EFNA5: variants seen among roughly 807,000 people sequenced by gnomAD.
EFNA5 encodes ephrin A5.
EFNA5 carries 5 observed loss-of-function variants against 22.9 expected under a neutral mutation model. The observed-to-expected ratio is 0.22, with a 90% CI of 0.11 to 0.46. EFNA5 has a LOEUF of 0.46. Ranked by LOEUF, EFNA5 falls within the 20% of genes least tolerant of loss-of-function variation. The pLI is 0.99. For synonymous variants in EFNA5, 113 were observed against 112.2 expected (o/e 1.01, Z -0.04); for missense variants, 237 against 293.3 (o/e 0.81, Z 1.40).
chr5:107,444,887 T>C (rs1749350230), intron 1 of EFNA5, among the ~76,000 whole-genome samples: 1 of 152,158 alleles, frequency 6.6e-6, no homozygotes, highest in Non-Finnish European at 1.5e-5. Context: ...TATATATACA[T>C]ATTAATTAGT....
At chr5:107,473,854 T>A (rs1275369242) in intron 1 of EFNA5, among the ~76,000 whole-genome samples, 2 of 152,032 alleles carry the variant, frequency 1.3e-5, no homozygotes, top group Middle Eastern at 3.2e-3. Flanking sequence ...AGAGATGGGG[T>A]TCCACCATGT....
chr5:107,529,473 C>T (rs1747765675), intron 1 of EFNA5, among the ~76,000 whole-genome samples: 1 of 152,082 alleles, frequency 6.6e-6, no homozygotes, highest in Non-Finnish European at 1.5e-5. Flanking sequence ...TCTGGCTTTC[C>T]CAGAAGCTGC....
At chr5:107,560,837 C>A (rs1640890459) in intron 1 of EFNA5, among the ~76,000 whole-genome samples, 1 of 152,152 alleles carries the variant, frequency 6.6e-6, no homozygotes, top group South Asian at 2.1e-4. Context: ...AGATCAGAAT[C>A]CCAAAGGTGA....
chr5:107,558,247 T>C (rs1299046674), intron 1 of EFNA5, among the ~76,000 whole-genome samples: 1 of 152,060 alleles, frequency 6.6e-6, no homozygotes, highest in Non-Finnish European at 1.5e-5. Context: ...TACTACATAA[T>C]GCCACACAGA....
At chr5:107,452,340 GA>G (rs1051278844) in intron 1 of EFNA5, among the ~76,000 whole-genome samples, 97 of 150,014 alleles carry the variant, frequency 6.5e-4, no homozygotes, top group Middle Eastern at 3.4e-3. Flanking sequence ...TTTTCTTTTA[GA>G]AAAAAAAAGT....
At chr5:107,630,588 G>A (rs1750230234) in intron 1 of EFNA5, among the ~76,000 whole-genome samples, 1 of 148,084 alleles carries the variant, frequency 6.8e-6, no homozygotes, top group African/African-American at 2.5e-5. Context: ...GTCGGTGAGT[G>A]AGTGGTGACT....
chr5:107,636,122 C>T (rs1750368331), intron 1 of EFNA5, among the ~76,000 whole-genome samples: 1 of 152,100 alleles, frequency 6.6e-6, no homozygotes, highest in African/African-American at 2.4e-5. Flanking sequence ...TTAACTAATG[C>T]TAGTAATAAA....
intron 1 of EFNA5, among the ~76,000 whole-genome samples, chr5:107,646,626 G>A (rs1402902315): frequency 6.6e-6 from 1 of 152,072 alleles, no homozygotes; most frequent in African/African-American, 2.4e-5. Context: ...TGTAAACACT[G>A]AGACAGAAAG....
intron 1 of EFNA5, among the ~76,000 whole-genome samples, chr5:107,556,881 C>T (rs1038028312): frequency 2.0e-5 from 3 of 151,988 alleles, no homozygotes; most frequent in African/African-American, 7.3e-5. Flanking sequence ...TTCATTACTC[C>T]ATTTCACATT....
chr5:107,386,623 C>T (rs1455657579), intron 4 of EFNA5, among the ~76,000 whole-genome samples: 1 of 152,110 alleles, frequency 6.6e-6, no homozygotes, highest in African/African-American at 2.4e-5. Flanking sequence ...CAACAGGCTA[C>T]TGGTACATTT....
At chr5:107,518,448 T>TAG in intron 1 of EFNA5, among the ~76,000 whole-genome samples, 1 of 152,004 alleles carries the variant, frequency 6.6e-6, no homozygotes, top group East Asian at 1.9e-4. Context: ...TCATGCTTAA[T>TAG]AGAAGGGCAG....
At chr5:107,617,209 T>TACACACACACACACACAC (rs373146585) in intron 1 of EFNA5, among the ~76,000 whole-genome samples, 13 of 141,154 alleles carry the variant, frequency 9.2e-5, no homozygotes, top group African/African-American at 3.6e-4. Context: ...CATGTGCACA[T>TACACACACACACACACAC]ACACACACAC....
chr5:107,396,449 A>G (rs1038209926), intron 2 of EFNA5, among the ~76,000 whole-genome samples: 7 of 152,190 alleles, frequency 4.6e-5, no homozygotes, highest in Admixed American at 4.6e-4. Flanking sequence ...ACTATTCTAC[A>G]GATTGATAGC....
At chr5:107,460,914 G>C (rs1234158055) in intron 1 of EFNA5, among the ~76,000 whole-genome samples, 1 of 152,106 alleles carries the variant, frequency 6.6e-6, no homozygotes. Context: ...GATATTCAAT[G>C]AGAAAAACAA....
chr5:107,613,402 T>C (rs1432965983), intron 1 of EFNA5, among the ~76,000 whole-genome samples: 1 of 152,086 alleles, frequency 6.6e-6, no homozygotes, highest in Non-Finnish European at 1.5e-5. Context: ...ATTAAAACAA[T>C]CTTCAAGATG....
chr5:107,397,581 T>C (rs1747962996), intron 2 of EFNA5, among the ~76,000 whole-genome samples: 1 of 152,158 alleles, frequency 6.6e-6, no homozygotes, highest in Non-Finnish European at 1.5e-5. Flanking sequence ...TTATCTATTT[T>C]ATTTACACAA....
At chr5:107,544,370 T>C (rs1748107537) in intron 1 of EFNA5, among the ~76,000 whole-genome samples, 1 of 152,140 alleles carries the variant, frequency 6.6e-6, no homozygotes, top group Non-Finnish European at 1.5e-5. Context: ...CTAGCATCCA[T>C]AGTGTCCTTG....
intron 2 of EFNA5, among the ~76,000 whole-genome samples, chr5:107,422,851 C>T (rs180759537): frequency 2.8e-4 from 43 of 152,268 alleles, no homozygotes; most frequent in Admixed American, 2.4e-3. Context: ...CAGGAGCTTG[C>T]TGCACTGGTA....
intron 1 of EFNA5, among the ~76,000 whole-genome samples, chr5:107,503,316 C>T (rs559274193): frequency 6.6e-6 from 1 of 152,298 alleles, no homozygotes; most frequent in African/African-American, 2.4e-5. Context: ...GTTGCAATGC[C>T]TTCACGTAAA....
Sources: gnomAD v4.1 joint callset for allele counts (sites outside exome capture counted in the v4.1 genomes callset) on GRCh38, gnomAD v4.1.1 for gene constraint, MANE v1.5 for transcripts, NCBI Gene and HGNC (gene_info 2026-07-23, HGNC 2026-07-21) for gene names.